KIAA1549: variants seen among roughly 807,000 people sequenced by gnomAD.
KIAA1549 encodes the protein UPF0606 protein KIAA1549.
A neutral mutation model predicts 156.4 loss-of-function variants in KIAA1549; 70 were observed. The observed-to-expected ratio is 0.45, with a 90% confidence interval of 0.37 to 0.55. KIAA1549 has a LOEUF of 0.55. KIAA1549 is among the 20% of genes least tolerant of loss of function. KIAA1549 has a pLI of 0.00. For missense variants in KIAA1549, 2,428 were observed against 2,540.9 expected, an observed-to-expected ratio of 0.96 and a Z score of 0.96; for synonymous variants, 1,103 against 1,066.4, an observed-to-expected ratio of 1.03 and a Z score of -0.67.
intron 8 of KIAA1549, among the ~76,000 whole-genome samples, chr7:138,899,549 TTTC>T (rs1435657814): frequency 6.6e-6 from 1 of 152,190 alleles, no homozygotes; most frequent in Non-Finnish European, 1.5e-5. Context: ...TACCCAATCC[TTTC>T]TTCAGCCTAT....
chr7:138,867,874 A>G lies in KIAA1549; in HGVS notation c.4929+101T>C, dbSNP rs1810796583. On this transcript the variant is annotated intron_variant, in intron 15 of 19. Coordinates refer to ENST00000422774, the MANE Select transcript of KIAA1549 (RefSeq NM_001164665.2). ...ATCAGGCATCAGGCACTGATACCAC[A>G]CAGGGCGGCAGCCAGTGCTGCTGCT... 3 of 1,286,396 alleles carry G rather than the reference A, an allele frequency of 2.3e-6. No homozygotes were observed. In the Admixed American group the frequency reaches 6.1e-5, roughly 26 times the overall value. 79.7% of individuals were successfully genotyped at this position (1,286,396 alleles called of 1,614,324 possible). A position where few individuals can be genotyped will look rare whatever the true frequency, so the allele number is the denominator to read the frequency against.
chr7:138,966,278 A>ACG (rs1238512544), intron 1 of KIAA1549, among the ~76,000 whole-genome samples: 1 of 152,130 alleles, frequency 6.6e-6, no homozygotes, highest in Non-Finnish European at 1.5e-5. Flanking sequence ...GGAAATTTGC[A>ACG]CGCACACACA....
At position 138,900,645 on chromosome 7, in the gene KIAA1549, G is replaced by A. The variant is rs1331418973; in HGVS notation, c.3670-1513C>T. On this transcript the variant is annotated intron_variant, in intron 8 of 19. Transcript: ENST00000422774. ...GGGGAGCCTAATGGGAGGTATCTGA[G>A]TCATGGAGCAGATCCCTCATGAATG... Among the ~76,000 whole-genome samples, 3 of 152,270 alleles carry A rather than the reference G, an allele frequency of 2.0e-5. No individual in the cohort carries two copies. The South Asian group carries it at 6.2e-4, about 32-fold the overall frequency.
chr7:138,841,423 C>T (rs1345606718), intron 18 of KIAA1549, among the ~76,000 whole-genome samples: 3 of 152,104 alleles, frequency 2.0e-5, no homozygotes, highest in Non-Finnish European at 2.9e-5. Flanking sequence ...GAGCTAATTA[C>T]CCCCCTATAC....
At chr7:138,874,065 TTACA>T (rs1402699780) in intron 12 of KIAA1549, among the ~76,000 whole-genome samples, 3 of 148,182 alleles carry the variant, frequency 2.0e-5, no homozygotes, top group African/African-American at 4.9e-5. Context: ...TAATTATATA[TTACA>T]TACTTCTATA....
intron 1 of KIAA1549, among the ~76,000 whole-genome samples, chr7:138,957,216 T>C (rs1243673160): frequency 6.6e-6 from 1 of 151,996 alleles, no homozygotes; most frequent in Non-Finnish European, 1.5e-5. Flanking sequence ...GGCAATGAGG[T>C]AGGAGAGGGG....
intron 7 of KIAA1549, among the ~76,000 whole-genome samples, chr7:138,904,495 C>A (rs930846112): frequency 1.3e-5 from 2 of 152,126 alleles, no homozygotes; most frequent in Admixed American, 1.3e-4. Context: ...CCAGCTAGTT[C>A]CTGTGCTGCA....
chr7:138,898,230 C>G (rs1811743668), intron 9 of KIAA1549, among the ~76,000 whole-genome samples: 2 of 151,028 alleles, frequency 1.3e-5, no homozygotes, highest in South Asian at 4.2e-4. Flanking sequence ...TCACTTGAAC[C>G]CGGGAGGCAG....
Position 138,852,235 on chromosome 7 carries a change from C to T in KIAA1549, c.5282G>A (p.Gly1761Asp), listed in dbSNP as rs1810255320. The T allele has an allele frequency of 6.2e-7, 1 of 1,610,474 alleles. No individual in the cohort carries two copies. Among genetic ancestry groups the T allele is most frequent in the East Asian group, 2.2e-5 (1 of 44,830 alleles). The change falls in exon 17 of 20, where the codon GGT becomes GAT. Residue 1761 changes from glycine (G) to aspartate (D), a missense_variant. By Grantham distance (94) the Gly-to-Asp change is moderately conservative. Transcript: ENST00000422774. ...TTGAAAACCTTACCTTGGCAATGGA[C>T]CCGTCGGGGGAGTCATTCCATAGTC... is the stretch of plus-strand genomic sequence containing the variant. ...YEDYGMTPPT[G>D]PLPRPGFGPG...
Position 138,837,901 on chromosome 7 carries a change from G to T in KIAA1549, c.*5C>A. On this transcript the variant is annotated 3_prime_UTR_variant, in exon 20 of 20. Transcript: ENST00000422774. ...ATACTTGGCAAATCTGCGAGGCGAG[G>T]CCGATCAGCTGTGGAAGTTCTGCAC... The T allele has an allele frequency of 6.2e-7, 1 of 1,612,954 alleles. No homozygotes were observed.
In KIAA1549 at chr7:138,869,659, C is replaced by G; in HGVS notation, c.4654G>C (p.Asp1552His). ...RGHYEFPVVD[D>H]LSSGDTKERH... ...TCCTTAGTGTCGCCCGAGGACAGGT[C>G]GTCTACCACCGGGAACTCGTAGTGC... Residue 1552 changes from aspartate to histidine, a missense_variant, in exon 14 of 20, where the codon GAC (aspartate) becomes CAC (histidine). Physicochemically the swap from Asp to His is moderately conservative, Grantham distance 81. Transcript: ENST00000422774. The G allele has an allele frequency of 6.2e-7, 1 of 1,612,080 alleles. No homozygotes were observed. The highest frequency in any genetic ancestry group is 8.5e-7 in the Non-Finnish European group (1 of 1,179,762).
In KIAA1549 at chr7:138,917,449, G is replaced by C; in HGVS notation, c.2177C>G (p.Ser726Cys). 1.2e-6 allele frequency: 2 copies of C among 1,614,002 alleles called. No individual in the cohort carries two copies. The highest frequency in any genetic ancestry group is 1.7e-6 in the Non-Finnish European group (2 of 1,179,890). The change falls in exon 2 of 20, where the codon TCT becomes TGT. Residue 726 changes from serine (S) to cysteine (C), a missense_variant. Transcript: ENST00000422774. ...VSPWSSFPSDSLEFVEASTVS... is the reference protein window; with the variant it reads ...VSPWSSFPSDCLEFVEASTVS... Reference sequence around the variant, plus strand: ...CGTAGACGCTTCAACAAACTCGAGAGAATCAGAAGGGAAGCTTGACCATGG... The same window carrying C: ...CGTAGACGCTTCAACAAACTCGAGACAATCAGAAGGGAAGCTTGACCATGG...
rs769628313 is a variant in KIAA1549, at chr7:138,916,951, G to C, written c.2675C>G (p.Thr892Ser). The C allele has an allele frequency of 1.2e-6, 2 of 1,606,760 alleles. No individual in the cohort carries two copies. The highest frequency in any genetic ancestry group is 1.1e-5 in the South Asian group (1 of 89,662). ...CAGGGTGGAGTCGAGGGGACCACCAGTGGCAGCACCGGTGCTGGTTGTGCT... is the reference window on the plus strand; with the variant it reads ...CAGGGTGGAGTCGAGGGGACCACCACTGGCAGCACCGGTGCTGGTTGTGCT... ...EVSTTSTGAA[T>S]GGPLDSTLMG... The change falls in exon 2 of 20, where the codon ACT (threonine) becomes AGT (serine). Residue 892 changes from threonine (T) to serine (S), a missense_variant. Around this residue, in one of 5 missense-constraint regions of KIAA1549, gnomAD observed 762 missense variants for 901.6 expected, o/e 0.85. Transcript: ENST00000422774.
rs900203126 is a variant in KIAA1549, at chr7:138,836,549, G to C, written c.*1357C>G. On this transcript the variant is annotated 3_prime_UTR_variant, in exon 20 of 20. Coordinates refer to ENST00000422774, the MANE Select transcript of KIAA1549 (RefSeq NM_001164665.2). ...TAGTGAAAATCTCTTAGCTAAGCCT[G>C]CTTTTCTTCTGAGTTTCACTCAGGT... 1.4e-5 allele frequency: 3 copies of C among 217,340 alleles called. No homozygotes were observed. Among genetic ancestry groups the C allele is most frequent in the African/African-American group, 2.2e-5 (1 of 44,456 alleles). The allele number at this position is 217,340 out of a possible 1,614,324, so 13.5% of individuals were successfully genotyped here.
chr7:138,884,063 G>C (rs1811322870), intron 10 of KIAA1549, among the ~76,000 whole-genome samples: 1 of 152,182 alleles, frequency 6.6e-6, no homozygotes, highest in African/African-American at 2.4e-5. Context: ...AGGGGCTGAA[G>C]GTTAAGTTGA....
At chr7:138,914,713 T>C (rs1286233873) in intron 2 of KIAA1549, among the ~76,000 whole-genome samples, 1 of 152,096 alleles carries the variant, frequency 6.6e-6, no homozygotes, top group African/African-American at 2.4e-5. Context: ...AAGACACAAT[T>C]TAACAGCATG....
intron 1 of KIAA1549, among the ~76,000 whole-genome samples, chr7:138,972,319 T>C (rs762609028): frequency 6.6e-6 from 1 of 151,954 alleles, no homozygotes; most frequent in Non-Finnish European, 1.5e-5. Context: ...AAACTAGAGA[T>C]GACCCACTTC....
chr7:138,900,510 T>TCC (rs1391009751), intron 8 of KIAA1549, among the ~76,000 whole-genome samples: 1 of 152,172 alleles, frequency 6.6e-6, no homozygotes, highest in Admixed American at 6.5e-5. Context: ...GTCCCCAAAA[T>TCC]CCAGTGATAC....
At position 138,861,145 on chromosome 7, in the gene KIAA1549, G is replaced by C; in HGVS notation, c.5241C>G (p.Pro1747=). The change falls in exon 16 of 20, where the codon CCC becomes CCG. Residue 1747 remains proline, a synonymous_variant. Coordinates refer to ENST00000422774, the MANE Select transcript of KIAA1549 (RefSeq NM_001164665.2). ...FYSPAQTANN[P]CSRYEDYGMT... is the part of the protein sequence containing the mutation. Reference sequence around the variant, plus strand: ...CTAGAAGGCCAGTACTTACACTGCAGGGATTGTTGGCCGTCTGGGCTGGGC... The same window carrying C: ...CTAGAAGGCCAGTACTTACACTGCACGGATTGTTGGCCGTCTGGGCTGGGC... 1 of 1,613,802 alleles carries C rather than the reference G, an allele frequency of 6.2e-7. No homozygotes were observed. Among genetic ancestry groups the C allele is most frequent in the Non-Finnish European group, 8.5e-7 (1 of 1,179,860 alleles).
Sources: gnomAD v4.1 joint callset for allele counts (sites outside exome capture counted in the v4.1 genomes callset) on GRCh38, gnomAD v4.1.1 for gene constraint, gnomAD v4.1.1 regional missense constraint, MANE v1.5 for transcripts, NCBI Gene and HGNC (gene_info 2026-07-23, HGNC 2026-07-21) for gene names.